The following SPTLC1 variants were observed in gnomAD, a reference collection of about 807,000 sequenced individuals.
SPTLC1 encodes the protein serine palmitoyltransferase 1.
Under a neutral mutation model 68.9 loss-of-function variants are expected in SPTLC1, and 55 were observed. That is an observed-to-expected ratio of 0.80 (90% CI 0.64 to 1.00). The LOEUF (loss-of-function observed/expected upper bound fraction) is 1.00, where lower values mean the gene tolerates loss of function less well. Among genes scored for constraint, SPTLC1 ranks in the 50% least tolerant of loss-of-function variants. The pLI is 0.00. For synonymous variants in SPTLC1, 197 were observed against 201.6 expected (o/e 0.98, Z 0.19); for missense variants, 449 against 573.1 (o/e 0.78, Z 2.21).
intron 12 of SPTLC1, among the ~76,000 whole-genome samples, chr9:92,040,800 A>T (rs1461638955): frequency 1.3e-5 from 2 of 151,920 alleles, no homozygotes; most frequent in African/African-American, 4.8e-5. Context: ...AAGGCACCTG[A>T]GGTCCAGATC....
intron 5 of SPTLC1, among the ~76,000 whole-genome samples, chr9:92,068,859 C>T (rs1013186045): frequency 6.6e-6 from 1 of 152,164 alleles, no homozygotes; most frequent in Non-Finnish European, 1.5e-5. Context: ...ATAAATAGGC[C>T]ACTGGCCAGC....
intron 13 of SPTLC1, among the ~76,000 whole-genome samples, chr9:92,035,527 G>C (rs1176172531): frequency 1.3e-5 from 2 of 152,178 alleles, no homozygotes; most frequent in African/African-American, 2.4e-5. Context: ...AAGGTAATAG[G>C]CTACAGGGGT....
At chr9:92,034,113 C>T (rs546691322) in intron 14 of SPTLC1, among the ~76,000 whole-genome samples, 2 of 152,340 alleles carry the variant, frequency 1.3e-5, no homozygotes, top group African/African-American at 4.8e-5. Flanking sequence ...CCACGATGCC[C>T]ACAGGATGCC....
chr9:92,045,548 A>AAC (rs1028775792), intron 12 of SPTLC1, among the ~76,000 whole-genome samples: 1 of 145,286 alleles, frequency 6.9e-6, no homozygotes, highest in African/African-American at 2.5e-5. Context: ...AAAAAAAAAA[A>AAC]AAAACACTGA....
At chr9:92,034,757 A>G (rs1833085175) in intron 14 of SPTLC1, 53 bp downstream of exon 14, 3 of 1,472,216 alleles carry the variant, frequency 2.0e-6, no homozygotes, top group Non-Finnish European at 2.9e-6. Context: ...AACGTATTTC[A>G]TAGAGCTCAG....
chr9:92,079,638 C>T, intron 5 of SPTLC1: 1 of 1,367,904 alleles, frequency 7.3e-7, no homozygotes, highest in East Asian at 2.3e-5. Flanking sequence ...CCACTTTCTT[C>T]CTAGAGCTGT....
In SPTLC1 at chr9:92,050,032, G is replaced by C. The variant is rs1401592777; in HGVS notation, c.816C>G (p.Phe272Leu). Residue 272 changes from phenylalanine to leucine, a missense_variant, in exon 9 of 15, where the codon TTC (phenylalanine) becomes TTG (leucine). Transcript: ENST00000262554. The stretch of plus-strand genomic sequence containing the variant: ...CTCCAAATGAAAGGCTTTCCTCCAG[G>C]AAGATTCTTGCTTTGTATTTGTATT... The part of the protein sequence containing the change: ...KLKYKYKARI[F>L]LEESLSFGVL... 6.2e-7 allele frequency: 1 copy of C among 1,613,710 alleles called. No individual in the cohort carries two copies.
Position 92,032,403 on chromosome 9 carries a change from G to A in SPTLC1, c.*62C>T, listed in dbSNP as rs1832991418. ...TCTCTTTCAGGCCACTCCATGGCCA[G>A]CGGGAGTCTTGAGTCCTCTCTGCGT... is the stretch of plus-strand genomic sequence containing the variant. On this transcript the variant is annotated 3_prime_UTR_variant, in exon 15 of 15. Transcript: ENST00000262554. 1 of 1,612,918 alleles carries A rather than the reference G, an allele frequency of 6.2e-7. No individual in the cohort carries two copies. The highest frequency in any genetic ancestry group is 8.5e-7 in the Non-Finnish European group (1 of 1,179,768).
intron 6 of SPTLC1, among the ~76,000 whole-genome samples, chr9:92,066,812 C>T (rs1170039144): frequency 6.6e-6 from 1 of 151,560 alleles, no homozygotes; most frequent in Non-Finnish European, 1.5e-5. Context: ...AACCCCATCT[C>T]TACTAAAAAT....
chr9:92,100,928 A>G (rs1835726064), intron 3 of SPTLC1, among the ~76,000 whole-genome samples: 1 of 151,970 alleles, frequency 6.6e-6, no homozygotes, highest in African/African-American at 2.4e-5. Flanking sequence ...TCCAACTGAC[A>G]CCCTAAGACA....
intron 7 of SPTLC1, 132 bp downstream of exon 7, chr9:92,059,047 A>T: frequency 1.9e-6 from 2 of 1,070,390 alleles, no homozygotes; most frequent in Non-Finnish European, 2.7e-6. Context: ...AAGTACATTT[A>T]ATAAGCAGGA....
intron 3 of SPTLC1, among the ~76,000 whole-genome samples, chr9:92,094,833 G>A (rs1835476092): frequency 6.6e-6 from 1 of 152,136 alleles, no homozygotes; most frequent in East Asian, 1.9e-4. Context: ...TTGACCAGCA[G>A]GGCATACACT....
At chr9:92,038,550 C>T (rs1480128768) in intron 12 of SPTLC1, 185 bp from the exon 13 acceptor site, 2 of 636,320 alleles carry the variant, frequency 3.1e-6, no homozygotes, top group African/African-American at 3.6e-5. Flanking sequence ...GCAGTGCTTC[C>T]TCATCTAAAA....
intron 3 of SPTLC1, among the ~76,000 whole-genome samples, chr9:92,107,646 G>A (rs1836051287): frequency 6.6e-6 from 1 of 152,180 alleles, no homozygotes; most frequent in Non-Finnish European, 1.5e-5. Context: ...CAGCTCCTCG[G>A]GAGGCTGAGG....
intron 3 of SPTLC1, among the ~76,000 whole-genome samples, chr9:92,106,584 G>C (rs926131723): frequency 2.5e-4 from 38 of 151,888 alleles, no homozygotes; most frequent in African/African-American, 8.9e-4. Flanking sequence ...TACACTTCAC[G>C]GATCCCAGCT....
chr9:92,114,205 C>T (rs143944489), intron 1 of SPTLC1, among the ~76,000 whole-genome samples: 2 of 151,896 alleles, frequency 1.3e-5, no homozygotes, highest in Non-Finnish European at 2.9e-5. Flanking sequence ...GGGAGGTCAA[C>T]GCAGCAGTGA....
Position 92,114,912 on chromosome 9 carries a change from C to A in SPTLC1, c.57+402G>T, listed in dbSNP as rs146347304. The A allele has an allele frequency of 1.7e-5, 4 of 228,824 alleles. No individual in the cohort carries two copies. In the East Asian group the frequency reaches 4.1e-4, roughly 23 times the overall value. 14.2% of individuals were successfully genotyped at this position (228,824 alleles called of 1,614,324 possible). The stretch of plus-strand genomic sequence containing the variant: ...AATTTATTACAATTTTATTCCCCAA[C>A]GAACTGTACCGTAGTTCCAAAGAGC... On this transcript the variant is annotated intron_variant, in intron 1 of 14. Coordinates refer to ENST00000262554, the MANE Select transcript of SPTLC1 (RefSeq NM_006415.4).
chr9:92,057,741 T>C (rs1833945894), intron 7 of SPTLC1, among the ~76,000 whole-genome samples: 1 of 152,190 alleles, frequency 6.6e-6, no homozygotes, highest in South Asian at 2.1e-4. Context: ...GACCAGATTA[T>C]TTATGTGAAA....
chr9:92,043,785 C>T (rs527574874), intron 12 of SPTLC1, among the ~76,000 whole-genome samples: 1 of 152,284 alleles, frequency 6.6e-6, no homozygotes, highest in East Asian at 1.9e-4. Context: ...TTTTTTCACA[C>T]CATGCAAAAG....
Sources: gnomAD v4.1 joint callset for allele counts (sites outside exome capture counted in the v4.1 genomes callset) on GRCh38, gnomAD v4.1.1 for gene constraint, MANE v1.5 for transcripts, NCBI Gene and HGNC (gene_info 2026-07-23, HGNC 2026-07-21) for gene names.